COL9A1: variants seen among roughly 807,000 people sequenced by gnomAD.
COL9A1 encodes collagen alpha-1(IX) chain.
A neutral mutation model predicts 142.6 loss-of-function variants in COL9A1; 104 were observed. That is an observed-to-expected ratio of 0.73 (90% CI 0.62 to 0.86). The LOEUF (loss-of-function observed/expected upper bound fraction) is 0.86, where lower values mean the gene tolerates loss of function less well. Ranked by LOEUF, COL9A1 falls within the 40% of genes least tolerant of loss-of-function variation. COL9A1 has a pLI of 0.00. For synonymous variants in COL9A1, 466 were observed against 396.0 expected, an observed-to-expected ratio of 1.18 and a Z score of -2.10; for missense variants, 1,210 against 1,176.6, an observed-to-expected ratio of 1.03 and a Z score of -0.42.
At chr6:70,302,204 CTTT>C (rs202054376) in intron 1 of COL9A1, 130 bp from the exon 2 acceptor site, 7,732 of 347,384 alleles carry the variant, frequency 0.022, 1 homozygote, top group East Asian at 0.041. Flanking sequence ...TTTTTCATTT[CTTT>C]TTTTTTTTTT....
At position 70,240,672 on chromosome 6, in the gene COL9A1, GA is replaced by G. The variant is rs552585742; in HGVS notation, c.2079+16del. On this transcript the variant is annotated intron_variant, in intron 32 of 37. Coordinates refer to ENST00000357250, the MANE Select transcript of COL9A1 (RefSeq NM_001851.6). ...ATTGGTAAAGCTTCATCATTAACCA[GA>G]AAAAAAAAATCTTACAAGTTCCCCC... 3.0e-4 allele frequency: 455 copies of G among 1,499,038 alleles called. No individual in the cohort carries two copies. The highest frequency in any genetic ancestry group is 4.1e-4 in the South Asian group (35 of 85,540). The allele number at this position is 1,499,038 out of a possible 1,614,324, so 92.9% of individuals were successfully genotyped here.
chr6:70,299,979 A>C, intron 4 of COL9A1, 64 bp downstream of exon 4: 4 of 1,455,688 alleles, frequency 2.7e-6, no homozygotes, highest in Non-Finnish European at 3.9e-6. Flanking sequence ...CTAACATTGG[A>C]TAGCTATCCA....
chr6:70,252,369 T>C, intron 26 of COL9A1, 54 bp from the exon 27 acceptor site: 1 of 1,493,876 alleles, frequency 6.7e-7, no homozygotes, highest in Middle Eastern at 1.7e-4. Flanking sequence ...AGCATAATCA[T>C]CAATCTGCCT....
At chr6:70,253,359 T>C (rs1345112598) in intron 26 of COL9A1, 26 bp downstream of exon 26, 1 of 1,464,152 alleles carries the variant, frequency 6.8e-7, no homozygotes, top group African/African-American at 1.4e-5. Context: ...AAGAAAGATA[T>C]TAACTTAAAT....
chr6:70,240,078 C>G (rs1053537720), intron 32 of COL9A1, among the ~76,000 whole-genome samples: 1 of 152,112 alleles, frequency 6.6e-6, no homozygotes, highest in Admixed American at 6.5e-5. Context: ...CATAAGTTTC[C>G]ACATTAGGTC....
At chr6:70,255,267 A>G in intron 22 of COL9A1, 64 bp from the exon 23 acceptor site, 1 of 1,608,650 alleles carries the variant, frequency 6.2e-7, no homozygotes, top group East Asian at 2.2e-5. Context: ...TAGACTTGTC[A>G]AAGAGATCAG....
chr6:70,234,704 G>T (rs1269087468), intron 34 of COL9A1, 90 bp downstream of exon 34: 2 of 1,604,074 alleles, frequency 1.2e-6, no homozygotes, highest in Non-Finnish European at 8.5e-7. Flanking sequence ...ATTTACAAGA[G>T]AACTTGTTGA....
intron 31 of COL9A1, 34 bp downstream of exon 31, chr6:70,241,385 T>C (rs1388343472): frequency 2.5e-6 from 4 of 1,578,962 alleles, no homozygotes; most frequent in Non-Finnish European, 2.6e-6. Flanking sequence ...ATATCAAACA[T>C]TGCATTTTAT....
In COL9A1 at chr6:70,263,280, C is replaced by G; in HGVS notation, c.1359G>C (p.Gln453His). The G allele has an allele frequency of 6.2e-7, 1 of 1,609,508 alleles. No homozygotes were observed. Among genetic ancestry groups the G allele is most frequent in the East Asian group, 2.2e-5 (1 of 44,722 alleles). The change falls in exon 19 of 38, where the codon CAG becomes CAC. Residue 453 changes from glutamine to histidine, a missense_variant. Gln to His is a conservative substitution (Grantham distance 24). Transcript: ENST00000357250. ...RQGHKGEEGD[Q>H]GELGEVGAQG... Reference sequence around the variant, plus strand: ...GAGCTCCAACTTCTCCGAGTTCTCCCTGGTCACCTTCTTCACCCTAAAGAA... The same window carrying G: ...GAGCTCCAACTTCTCCGAGTTCTCCGTGGTCACCTTCTTCACCCTAAAGAA...
chr6:70,281,932 C>G (rs1406755023), intron 7 of COL9A1, among the ~76,000 whole-genome samples: 1 of 152,036 alleles, frequency 6.6e-6, no homozygotes. Context: ...GGAGGCGGGG[C>G]GTACACTTGA....
chr6:70,265,611 G>A (rs1771962323), intron 18 of COL9A1, among the ~76,000 whole-genome samples: 1 of 151,462 alleles, frequency 6.6e-6, no homozygotes, highest in South Asian at 2.1e-4. Flanking sequence ...AGATTCAATG[G>A]AAGAATGATC....
chr6:70,248,715 A>C (rs1382519553), intron 28 of COL9A1, among the ~76,000 whole-genome samples: 1 of 152,310 alleles, frequency 6.6e-6, no homozygotes, highest in African/African-American at 2.4e-5. Flanking sequence ...AGGATTTATT[A>C]CGCCTCCGAT....
intron 12 of COL9A1, 71 bp downstream of exon 12, chr6:70,273,968 TAAATAAAA>T (rs762498346): frequency 1.4e-6 from 1 of 737,500 alleles, no homozygotes; most frequent in Admixed American, 3.8e-5. Flanking sequence ...AATAAATAAA[TAAATAAAA>T]AGATTTCACA....
At chr6:70,287,688 A>T (rs1044677155) in intron 5 of COL9A1, among the ~76,000 whole-genome samples, 1 of 152,130 alleles carries the variant, frequency 6.6e-6, no homozygotes, top group Non-Finnish European at 1.5e-5. Context: ...CAACACTCCA[A>T]TGGGTCTTTT....
chr6:70,222,866 G>C (rs144029464), intron 37 of COL9A1: 3 of 151,934 alleles, frequency 2.0e-5, no homozygotes, highest in Non-Finnish European at 4.4e-5. Context: ...TTATCTAGAC[G>C]GTTCCAGACA....
intron 28 of COL9A1, among the ~76,000 whole-genome samples, 177 bp downstream of exon 28, chr6:70,251,943 C>T (rs1158575737): frequency 1.3e-5 from 2 of 152,124 alleles, no homozygotes; most frequent in Non-Finnish European, 2.9e-5. Flanking sequence ...ATTTTTGTTT[C>T]CATTTTCTGA....
chr6:70,271,969 CACT>C, intron 13 of COL9A1, 93 bp downstream of exon 13: 1 of 1,268,468 alleles, frequency 7.9e-7, no homozygotes, highest in Non-Finnish European at 1.1e-6. Context: ...CTGTAAACAC[CACT>C]GAGTAGACCG....
At position 70,239,185 on chromosome 6, in the gene COL9A1, A is replaced by G. The variant is rs115948163; in HGVS notation, c.2112+69T>C. 4,579 of 1,003,902 alleles carry G rather than the reference A, an allele frequency of 4.6e-3. 157 individuals carry two copies. The African/African-American group carries it at 0.066, about 14-fold the overall frequency. 62.2% of individuals were successfully genotyped at this position (1,003,902 alleles called of 1,614,324 possible). ...TTACATAATGATTTCATAAAGCAGA[A>G]TATTATATATTCTACAGCTTTATTA... is the stretch of plus-strand genomic sequence containing the variant. On this transcript the variant is annotated intron_variant, in intron 33 of 37. Coordinates refer to ENST00000357250, the MANE Select transcript of COL9A1 (RefSeq NM_001851.6).
intron 28 of COL9A1, among the ~76,000 whole-genome samples, chr6:70,246,949 G>T (rs1224609365): frequency 6.6e-6 from 1 of 152,098 alleles, no homozygotes; most frequent in Non-Finnish European, 1.5e-5. Context: ...ATCTCTTAGG[G>T]CTTTTTTGAG....
Sources: allele counts gnomAD v4.1 joint callset (sites outside exome capture counted in the v4.1 genomes callset), GRCh38; gene constraint gnomAD v4.1.1; transcripts MANE v1.5; gene names NCBI Gene and HGNC (gene_info 2026-07-23, HGNC 2026-07-21).